CDIN1: variants seen among roughly 807,000 people sequenced by gnomAD.
CDIN1 encodes the protein CDAN1-interacting nuclease 1.
CDIN1 carries 33 observed loss-of-function variants against 45.3 expected under a neutral mutation model. The ratio of observed to expected loss-of-function variants is 0.73; its 90% CI spans 0.55 to 0.97. The LOEUF (loss-of-function observed/expected upper bound fraction) is 0.97. CDIN1 is among the 50% of genes least tolerant of loss of function. The pLI, the probability that CDIN1 is intolerant of heterozygous loss-of-function variation, is 0.00. For missense variants in CDIN1, 303 were observed against 339.4 expected (o/e 0.89, Z 0.84); for synonymous variants, 118 against 124.4 (o/e 0.95, Z 0.34).
chr15:36,702,520 C>T (rs1311560708), intron 8 of CDIN1, among the ~76,000 whole-genome samples: 1 of 152,178 alleles, frequency 6.6e-6, no homozygotes, highest in African/African-American at 2.4e-5. Context: ...CTGGCCCTCC[C>T]TCACCACTGC....
intron 8 of CDIN1, among the ~76,000 whole-genome samples, chr15:36,700,318 A>C (rs942732847): frequency 2.6e-5 from 4 of 152,174 alleles, no homozygotes; most frequent in Non-Finnish European, 5.9e-5. Flanking sequence ...ATGAGAATGC[A>C]GTTTTCTCTC....
intron 1 of CDIN1, among the ~76,000 whole-genome samples, chr15:36,626,204 T>C (rs2039415626): frequency 6.6e-6 from 1 of 151,668 alleles, no homozygotes; most frequent in African/African-American, 2.4e-5. Context: ...ATTTTTTTTT[T>C]CTCTTCAAAA....
At chr15:36,785,201 A>T (rs1447338118) in intron 10 of CDIN1, among the ~76,000 whole-genome samples, 3 of 152,196 alleles carry the variant, frequency 2.0e-5, no homozygotes, top group Non-Finnish European at 2.9e-5. Flanking sequence ...AATATCTATA[A>T]GTCAATCACA....
At chr15:36,594,925 T>A in intron 1 of CDIN1, 1 of 985,004 alleles carries the variant, frequency 1.0e-6, no homozygotes, top group Non-Finnish European at 1.2e-6. Flanking sequence ...TGTGGTAAGT[T>A]CATCTGTTTT....
At chr15:36,730,105 A>G (rs1466093603) in intron 10 of CDIN1, among the ~76,000 whole-genome samples, 1 of 152,168 alleles carries the variant, frequency 6.6e-6, no homozygotes, top group Non-Finnish European at 1.5e-5. Flanking sequence ...ACCTATTCAT[A>G]TCTACCTATA....
chr15:36,618,030 A>C (rs1013840446), intron 1 of CDIN1: 1 of 782,088 alleles, frequency 1.3e-6, no homozygotes, highest in Non-Finnish European at 2.3e-6. Context: ...AATCTTCACC[A>C]GCAGTTCTCG....
intron 10 of CDIN1, among the ~76,000 whole-genome samples, chr15:36,729,577 C>A (rs2043766916): frequency 6.6e-6 from 1 of 152,080 alleles, no homozygotes; most frequent in Non-Finnish European, 1.5e-5. Context: ...TCATAGGCAA[C>A]CCAGGATTTA....
intron 10 of CDIN1, among the ~76,000 whole-genome samples, chr15:36,790,015 C>T (rs1249333091): frequency 3.3e-5 from 5 of 152,102 alleles, no homozygotes; most frequent in Non-Finnish European, 4.4e-5. Flanking sequence ...GATTGATCTA[C>T]GTTTGTTATA....
At chr15:36,652,405 C>G (rs866143224) in intron 3 of CDIN1, among the ~76,000 whole-genome samples, 1 of 152,056 alleles carries the variant, frequency 6.6e-6, no homozygotes, top group African/African-American at 2.4e-5. Flanking sequence ...GACCCAGAAT[C>G]AGAAACCATA....
At chr15:36,734,176 C>T (rs1166438701) in intron 10 of CDIN1, among the ~76,000 whole-genome samples, 4 of 151,966 alleles carry the variant, frequency 2.6e-5, no homozygotes, top group Non-Finnish European at 4.4e-5. Flanking sequence ...CAATCTCACC[C>T]GTAAAGTAGG....
At chr15:36,687,192 A>G (rs2042091188) in intron 5 of CDIN1, among the ~76,000 whole-genome samples, 4 of 152,118 alleles carry the variant, frequency 2.6e-5, no homozygotes, top group Admixed American at 2.6e-4. Context: ...AAAATAAGAG[A>G]GTAAAAATAA....
intron 8 of CDIN1, among the ~76,000 whole-genome samples, chr15:36,701,579 G>A (rs1445903384): frequency 6.6e-6 from 1 of 152,194 alleles, no homozygotes; most frequent in African/African-American, 2.4e-5. Flanking sequence ...TCTCCAGGTT[G>A]GAGGGACTTC....
intron 5 of CDIN1, among the ~76,000 whole-genome samples, chr15:36,684,807 G>A (rs1317577837): frequency 1.3e-5 from 2 of 151,026 alleles, no homozygotes; most frequent in Non-Finnish European, 3.0e-5. Context: ...TTTAGTCTTG[G>A]GAGAGTGTAT....
At chr15:36,796,031 A>G (rs895616267) in intron 10 of CDIN1, among the ~76,000 whole-genome samples, 28 of 152,296 alleles carry the variant, frequency 1.8e-4, no homozygotes, top group African/African-American at 6.5e-4. Context: ...ATCCTGGGTA[A>G]AGTATGACCT....
chr15:36,671,292 T>G (rs2041440271), intron 5 of CDIN1, among the ~76,000 whole-genome samples: 1 of 152,152 alleles, frequency 6.6e-6, no homozygotes, highest in African/African-American at 2.4e-5. Flanking sequence ...ATTGGCAATA[T>G]TCTTTGTCTG....
intron 1 of CDIN1, among the ~76,000 whole-genome samples, chr15:36,631,497 A>T (rs1396380719): frequency 6.6e-6 from 1 of 152,250 alleles, no homozygotes; most frequent in Non-Finnish European, 1.5e-5. Context: ...TCATACAAAT[A>T]GAATCGTACA....
intron 1 of CDIN1, among the ~76,000 whole-genome samples, chr15:36,620,446 C>T (rs562950895): frequency 2.0e-5 from 3 of 152,148 alleles, no homozygotes; most frequent in Non-Finnish European, 4.4e-5. Flanking sequence ...TTAAAATTCC[C>T]TGTGATTCCC....
chr15:36,605,349 CT>C (rs1380679060), intron 1 of CDIN1, among the ~76,000 whole-genome samples: 1 of 151,986 alleles, frequency 6.6e-6, no homozygotes, highest in Non-Finnish European at 1.5e-5. Flanking sequence ...ATCAATAATG[CT>C]GTTTTTGTAA....
chr15:36,691,496 G>C lies in CDIN1; in HGVS notation c.347-189G>C, dbSNP rs149737223. Reference sequence around the variant, plus strand: ...TTAGGTCATCATCAAATCTGGTAGTGTGGCTTATAAACTTGGCAAAATGGT... The same window carrying C: ...TTAGGTCATCATCAAATCTGGTAGTCTGGCTTATAAACTTGGCAAAATGGT... On this transcript the variant is annotated intron_variant, in intron 5 of 10. Coordinates refer to ENST00000566621, the MANE Select transcript of CDIN1 (RefSeq NM_001321759.2). Among the ~76,000 whole-genome samples, 4 of 151,824 alleles carry C rather than the reference G, an allele frequency of 2.6e-5. No homozygotes were observed. In the East Asian group the frequency reaches 7.8e-4, roughly 30 times the overall value.
Sources: allele counts gnomAD v4.1 joint callset (sites outside exome capture counted in the v4.1 genomes callset), GRCh38; gene constraint gnomAD v4.1.1; transcripts MANE v1.5; gene names NCBI Gene and HGNC (gene_info 2026-07-23, HGNC 2026-07-21).